ABCA4: variants seen among roughly 807,000 people sequenced by gnomAD.
The protein encoded by ABCA4 is retinal-specific phospholipid-transporting ATPase ABCA4.
Under a neutral mutation model 263.7 loss-of-function variants are expected in ABCA4, and 196 were observed. The ratio of observed to expected loss-of-function variants is 0.74; its 90% CI spans 0.66 to 0.84. The LOEUF is 0.84. Among genes scored for constraint, ABCA4 ranks in the 40% least tolerant of loss-of-function variants. ABCA4 has a pLI of 0.00. For missense variants in ABCA4, 2,792 were observed against 2,855.1 expected (o/e 0.98, Z 0.50); for synonymous variants, 1,133 against 1,094.2 (o/e 1.04, Z -0.70).
intron 11 of ABCA4, among the ~76,000 whole-genome samples, chr1:94,064,858 C>T (rs942148554): frequency 2.6e-5 from 4 of 152,076 alleles, no homozygotes; most frequent in Non-Finnish European, 4.4e-5. Flanking sequence ...AGGCCTTAAA[C>T]AGCCACAGAA....
At chr1:94,039,900 A>G in intron 24 of ABCA4, 143 bp downstream of exon 24, 1 of 752,978 alleles carries the variant, frequency 1.3e-6, no homozygotes, top group Admixed American at 2.0e-5. Flanking sequence ...AAAGAAGCTC[A>G]AAGCAAAAGA....
chr1:94,017,210 A>G (rs144263863), intron 36 of ABCA4, among the ~76,000 whole-genome samples: 33 of 152,234 alleles, frequency 2.2e-4, no homozygotes, highest in African/African-American at 6.5e-4. Context: ...TATAAAGGGG[A>G]AAAGAGTAAT....
rs757230249 is a variant in ABCA4 at position 94,031,844 on chromosome 1, A to G, written c.4062T>C (p.His1354=). 4 of 1,614,168 alleles carry G rather than the reference A, an allele frequency of 2.5e-6. No individual in the cohort carries two copies. The East Asian group carries it at 8.9e-5, about 36-fold the overall frequency. Residue 1354 remains histidine (H), a synonymous_variant, in exon 27 of 50, where the codon CAT becomes CAC. Transcript: ENST00000370225. ...ATCTCTTGACCAGCAGCGCCTGCAC[A>G]TGCTGGAGGACCAGCTGTGTCCCCG... ...LNTGTQLVLQ[H]VQALLVKRFQ...
In ABCA4 at chr1:94,026,107, A is replaced by G. The variant is rs74102078; in HGVS notation, c.4540-1059T>C. 3.7e-3 allele frequency among the ~76,000 whole-genome samples: 557 copies of G among 152,350 alleles called. 1 individual carries two copies. The highest frequency in any genetic ancestry group is 0.013 in the African/African-American group (533 of 41,584). On this transcript the variant is annotated intron_variant, in intron 30 of 49. Transcript: ENST00000370225. ...CACATTCCGCTTACATTCTCATAAA[A>G]GCATTCACTCTGTCAAGGGTGCTGC...
At position 94,055,160 on chromosome 1, in the gene ABCA4, A is replaced by G; in HGVS notation, c.2538T>C (p.Asp846=). The change falls in exon 16 of 50, where the codon GAT becomes GAC. Residue 846 remains aspartate (D), a synonymous_variant. Transcript: ENST00000370225. ...FLLSMQMMLL[D]AAVYGLLAWY... ...AAGCGAGTAAGCCATAGACAGCAGC[A>G]TCAAGGAGCATCATCTGCATGGACA... 6.2e-7 allele frequency: 1 copy of G among 1,614,214 alleles called. No homozygotes were observed. The highest frequency in any genetic ancestry group is 8.5e-7 in the Non-Finnish European group (1 of 1,180,042).
At position 94,028,930 on chromosome 1, in the gene ABCA4, A is replaced by AC. The variant is rs35998587; in HGVS notation, c.4539+514_4539+515insG. On this transcript the variant is annotated intron_variant, in intron 30 of 49. Coordinates refer to ENST00000370225, the MANE Select transcript of ABCA4 (RefSeq NM_000350.3). ...TCAAAAAAAAAAAAAAAAAAAAAAA[A>AC]GAAATTCAAACAATGGGATAATATA... 1.6e-3 allele frequency among the ~76,000 whole-genome samples: 175 copies of AC among 108,018 alleles called. 7 individuals are homozygous for AC. The highest frequency in any genetic ancestry group is 2.7e-3 in the African/African-American group (72 of 26,344). The allele number at this position is 108,018 out of a possible 152,430, so 70.9% of individuals were successfully genotyped here. A position where few individuals can be genotyped will look rare whatever the true frequency, so the allele number is the denominator to read the frequency against.
At chr1:94,043,585 C>T (rs1660581587) in intron 20 of ABCA4, 110 bp from the exon 21 acceptor site, 5 of 1,425,882 alleles carry the variant, frequency 3.5e-6, no homozygotes, top group East Asian at 2.4e-5. Context: ...AATCAAGATG[C>T]TCACTGTGGT....
intron 1 of ABCA4, among the ~76,000 whole-genome samples, chr1:94,119,137 G>T (rs1662880556): frequency 6.6e-6 from 1 of 152,124 alleles, no homozygotes; most frequent in Non-Finnish European, 1.5e-5. Flanking sequence ...TTTGATAGAA[G>T]GAAAGAATGA....
intron 11 of ABCA4, among the ~76,000 whole-genome samples, chr1:94,071,452 T>C (rs12739987): frequency 0.21 from 32,064 of 152,062 alleles, 3,759 homozygotes; most frequent in African/African-American, 0.3. Context: ...CCCCTATTAA[T>C]GTGGGCTGCA....
At chr1:94,014,507 C>G (rs1446780341) in intron 38 of ABCA4, 36 bp downstream of exon 38, 1 of 1,611,250 alleles carries the variant, frequency 6.2e-7, no homozygotes, top group South Asian at 1.1e-5. Context: ...TACTATCCTA[C>G]TAATCAAACA....
chr1:93,997,962 C>T lies in ABCA4; in HGVS notation c.6628G>A (p.Val2210Ile). Residue 2210 changes from valine (V) to isoleucine (I), a missense_variant, in exon 48 of 50, where the codon GTC (valine) becomes ATC (isoleucine). By Grantham distance (29) the Val-to-Ile change is conservative (BLOSUM62 3). Transcript: ENST00000370225. ...ERHYNMLQFQ[V>I]SSSSLARIFQ... ...ATCCTCGCCAGGGAGGAGGAGGAGACCTGGAACTGGAGCATGTTGTAGTGC... is the reference window on the plus strand; with the variant it reads ...ATCCTCGCCAGGGAGGAGGAGGAGATCTGGAACTGGAGCATGTTGTAGTGC... 1.9e-6 allele frequency: 3 copies of T among 1,614,108 alleles called. No individual in the cohort carries two copies. The highest frequency in any genetic ancestry group is 2.5e-6 in the Non-Finnish European group (3 of 1,180,020).
intron 38 of ABCA4, among the ~76,000 whole-genome samples, chr1:94,012,739 T>C (rs903844313): frequency 6.6e-6 from 1 of 152,222 alleles, no homozygotes; most frequent in African/African-American, 2.4e-5. Flanking sequence ...TGTCACACGC[T>C]GTATTATGGA....
Position 94,007,277 on chromosome 1 carries a change from AG to A in ABCA4, c.6005+356del, listed in dbSNP as rs1260240209. 2.0e-5 allele frequency among the ~76,000 whole-genome samples: 3 copies of A among 151,340 alleles called. No homozygotes were observed. The East Asian group carries it at 5.8e-4, about 29-fold the overall frequency. Reference sequence around the variant, plus strand: ...TGAAACGTTTTGTAAAAATGTGTGGAGGGAGGTAATGGGAAGCAATGGTGCA... The same window carrying A: ...TGAAACGTTTTGTAAAAATGTGTGGAGGAGGTAATGGGAAGCAATGGTGCA... On this transcript the variant is annotated intron_variant, in intron 43 of 49. Transcript: ENST00000370225.
intron 19 of ABCA4, among the ~76,000 whole-genome samples, chr1:94,045,334 T>C (rs2101054366): frequency 6.6e-6 from 1 of 152,190 alleles, no homozygotes; most frequent in East Asian, 1.9e-4. Context: ...TTTTTTTTTT[T>C]TTTAAATGGG....
chr1:94,039,880 G>C (rs1660440163), intron 24 of ABCA4, among the ~76,000 whole-genome samples, 163 bp downstream of exon 24: 1 of 152,210 alleles, frequency 6.6e-6, no homozygotes, highest in African/African-American at 2.4e-5. Context: ...GAAGGAAGAA[G>C]GAAGAGGAGA....
rs185446147 is a variant in ABCA4 at position 94,101,753 on chromosome 1, C to T, written c.570+1262G>A. On this transcript the variant is annotated intron_variant, in intron 5 of 49. Coordinates refer to ENST00000370225, the MANE Select transcript of ABCA4 (RefSeq NM_000350.3). ...TCAGCTGCTGCAGATCTAGCATTCTCGCTGTGTTCATCACACTGAAGAAGC... is the reference window on the plus strand; with the variant it reads ...TCAGCTGCTGCAGATCTAGCATTCTTGCTGTGTTCATCACACTGAAGAAGC... Among the ~76,000 whole-genome samples the T allele has an allele frequency of 2.6e-4, 39 of 152,336 alleles. No individual in the cohort carries two copies. In the East Asian group the frequency reaches 2.7e-3, roughly 11 times the overall value.
At chr1:94,100,299 G>A (rs530495639) in intron 5 of ABCA4, among the ~76,000 whole-genome samples, 42 of 152,354 alleles carry the variant, frequency 2.8e-4, no homozygotes, top group African/African-American at 9.1e-4. Context: ...TATTTACTGA[G>A]AGTTTACTAT....
chr1:94,042,098 C>CAAAAAAAAAAA (rs11334956), intron 22 of ABCA4, among the ~76,000 whole-genome samples: 7 of 81,260 alleles, frequency 8.6e-5, no homozygotes, highest in Non-Finnish European at 1.4e-4. Context: ...GATTCTGTCT[C>CAAAAAAAAAAA]AAAAAAAAAA....
At chr1:93,998,905 ATTTTTTT>A (rs11370620) in intron 47 of ABCA4, among the ~76,000 whole-genome samples, 18 of 135,822 alleles carry the variant, frequency 1.3e-4, no homozygotes, top group African/African-American at 4.9e-4. Context: ...CACTCGGCTA[ATTTTTTT>A]TTTTTTTTTT....
Sources: allele counts gnomAD v4.1 joint callset (sites outside exome capture counted in the v4.1 genomes callset), GRCh38; gene constraint gnomAD v4.1.1; transcripts MANE v1.5; gene names NCBI Gene and HGNC (gene_info 2026-07-23, HGNC 2026-07-21).